Variants in CLN3 observed in about 807,000 individuals in gnomAD.
The protein encoded by CLN3 is battenin.
CLN3 carries 49 observed loss-of-function variants against 60.7 expected under a neutral mutation model. That is an observed-to-expected ratio of 0.81 (90% CI 0.64 to 1.02). The LOEUF is 1.02. Among genes scored for constraint, CLN3 ranks in the 50% least tolerant of loss-of-function variants. The probability of loss-of-function intolerance (pLI) is 0.00; values close to 1 mark genes in which losing one functional copy is unlikely to be tolerated. For missense variants in CLN3, 516 were observed against 557.4 expected (o/e 0.93, Z 0.75); for synonymous variants, 256 against 245.8 (o/e 1.04, Z -0.39).
chr16:28,488,403 A>G (rs1596563971), intron 5 of CLN3, 188 bp downstream of exon 5: 3 of 552,020 alleles, frequency 5.4e-6, no homozygotes, highest in Non-Finnish European at 9.7e-6. Context: ...TCAAACTCCT[A>G]GGCTCAAGTG....
rs150094443 is a variant in CLN3 at position 28,478,802 on chromosome 16, T to C, written c.1057-925A>G. Among the ~76,000 whole-genome samples the C allele has an allele frequency of 1.7e-4, 26 of 152,222 alleles. No homozygotes were observed. The East Asian group carries it at 4.8e-3, about 28-fold the overall frequency. On this transcript the variant is annotated intron_variant, in intron 14 of 15. Transcript: ENST00000636147. ...CTGGCCTCTGCCCGCTAGATGCCCA[T>C]AGCATCCCTCAGTTGTGACAACCAA...
chr16:28,489,496 T>A, intron 3 of CLN3, 110 bp from the exon 4 acceptor site: 1 of 777,046 alleles, frequency 1.3e-6, no homozygotes, highest in Non-Finnish European at 2.3e-6. Flanking sequence ...CTCTTTTTTT[T>A]CCCTCTATCA....
At chr16:28,471,767 G>A (rs1417660848), downstream of CLN3, among the ~76,000 whole-genome samples, 1 of 145,532 alleles carries the variant, frequency 6.9e-6, no homozygotes, top group Non-Finnish European at 1.5e-5. Flanking sequence ...GAGTGATGAT[G>A]TCCTTATCTA....
At chr16:28,488,478 G>T (rs1167440063) in intron 5 of CLN3, 113 bp downstream of exon 5, 1 of 940,794 alleles carries the variant, frequency 1.1e-6, no homozygotes, top group Non-Finnish European at 1.7e-6. Flanking sequence ...CCCAGCCCAG[G>T]TCTCAACTGT....
Position 28,486,366 on chromosome 16 carries a change from G to A in CLN3, c.658C>T (p.Pro220Ser), listed in dbSNP as rs1421772569. ...QQTLLSMLGI[P>S]ALLLASYFLL... The stretch of plus-strand genomic sequence containing the variant: ...GCTCACCTGGCCAGCAGCAGGGCAG[G>A]GATACCCAGCATGGACAGCAGGGTC... Residue 220 changes from proline to serine, a missense_variant, in exon 9 of 16, where the codon CCT (proline) becomes TCT (serine). By Grantham distance (74) the Pro-to-Ser change is moderately conservative. Coordinates refer to ENST00000636147, the MANE Select transcript of CLN3 (RefSeq NM_001042432.2). 3 of 1,612,476 alleles carry A rather than the reference G, an allele frequency of 1.9e-6. No individual in the cohort carries two copies. In the South Asian group the frequency reaches 3.3e-5, roughly 18 times the overall value.
downstream of CLN3, chr16:28,473,976 A>G (rs2045971743): frequency 6.6e-6 from 1 of 152,114 alleles, no homozygotes; most frequent in African/African-American, 2.4e-5. Context: ...AAAAACAAAA[A>G]CGGAAAAGAG....
chr16:28,472,706 G>A (rs188181088), downstream of CLN3, among the ~76,000 whole-genome samples: 56 of 151,342 alleles, frequency 3.7e-4, 2 homozygotes, highest in East Asian at 5.5e-3. Context: ...GCTGGGTGTG[G>A]TGGCACACCC....
At chr16:28,470,586 A>AGGAGAG (rs1567250614), downstream of CLN3, 129 of 42,328 alleles carry the variant, frequency 3.0e-3, no homozygotes, top group Admixed American at 3.4e-3. Flanking sequence ...GGGGAGGGGA[A>AGGAGAG]GGGGAGGGGG....
chr16:28,469,321 G>GGGCACGGT (rs2045925267), downstream of CLN3, among the ~76,000 whole-genome samples: 1 of 91,076 alleles, frequency 1.1e-5, no homozygotes, highest in Non-Finnish European at 2.7e-5. Flanking sequence ...GATCTTGGCT[G>GGGCACGGT]GGCACGGTGG....
chr16:28,470,609 A>G (rs1354867368), downstream of CLN3: 513 of 8,380 alleles, frequency 0.061, no homozygotes, highest in Non-Finnish European at 0.085. Flanking sequence ...GGGAAGGGGA[A>G]GGGGAGGGGA....
rs1331033517 is a variant in CLN3, at chr16:28,487,705, T to C, written c.331A>G (p.Ile111Val). The C allele has an allele frequency of 1.2e-6, 2 of 1,613,810 alleles. No individual in the cohort carries two copies. The highest frequency in any genetic ancestry group is 2.7e-5 in the African/African-American group (2 of 74,892). The change falls in exon 6 of 16, where the codon ATC (isoleucine) becomes GTC (valine). Residue 111 changes from isoleucine (I) to valine (V), a missense_variant. Coordinates refer to ENST00000636147, the MANE Select transcript of CLN3 (RefSeq NM_001042432.2). ...LLADILPTLV[I>V]KLLAPLGLHL... ...AGGCCAAGAGGAGCCAACAATTTGA[T>C]GACGAGTGTGGGGAGGATGTCCGCC...
intron 14 of CLN3, among the ~76,000 whole-genome samples, chr16:28,480,143 T>A (rs1469087172): frequency 6.6e-6 from 1 of 151,764 alleles, no homozygotes; most frequent in Non-Finnish European, 1.5e-5. Context: ...TTTGTAGAGA[T>A]GAGGTCTCGT....
intron 14 of CLN3, among the ~76,000 whole-genome samples, chr16:28,478,566 T>G (rs895269238): frequency 7.3e-6 from 1 of 136,388 alleles, no homozygotes. Context: ...CAGTAAGCTA[T>G]GATTGTGCCA....
downstream of CLN3, among the ~76,000 whole-genome samples, chr16:28,472,016 C>G (rs1250363705): frequency 6.6e-6 from 1 of 151,888 alleles, no homozygotes; most frequent in Non-Finnish European, 1.5e-5. Flanking sequence ...AGCAACAGAG[C>G]GAGACTCCGT....
intron 1 of CLN3, 73 bp downstream of exon 1, chr16:28,491,947 C>A: frequency 1.3e-6 from 1 of 741,808 alleles, no homozygotes; most frequent in Non-Finnish European, 2.3e-6. Context: ...TCTCGAGCGC[C>A]CTACGACCCA....
At chr16:28,488,047 T>C in intron 5 of CLN3, 1 of 315,326 alleles carries the variant, frequency 3.2e-6, no homozygotes, top group Non-Finnish European at 6.1e-6. Flanking sequence ...AAACTATATA[T>C]ATATATATTT....
At chr16:28,478,926 C>T (rs1182772646) in intron 14 of CLN3, among the ~76,000 whole-genome samples, 2 of 152,102 alleles carry the variant, frequency 1.3e-5, no homozygotes, top group Admixed American at 6.6e-5. Flanking sequence ...TGGGAGTAGC[C>T]GGGCATCCTA....
downstream of CLN3, among the ~76,000 whole-genome samples, chr16:28,472,501 A>T (rs928164528): frequency 1.3e-5 from 2 of 152,126 alleles, no homozygotes; most frequent in African/African-American, 4.8e-5. Flanking sequence ...ATTCAAAATG[A>T]AAACAAGATC....
At chr16:28,473,145 C>G (rs940778684), downstream of CLN3, among the ~76,000 whole-genome samples, 2 of 151,872 alleles carry the variant, frequency 1.3e-5, no homozygotes, top group Admixed American at 1.3e-4. Context: ...ATTCCTGTCA[C>G]CCAGGCTGGA....
Sources: allele counts gnomAD v4.1 joint callset (sites outside exome capture counted in the v4.1 genomes callset), GRCh38; gene constraint gnomAD v4.1.1; transcripts MANE v1.5; gene names NCBI Gene and HGNC (gene_info 2026-07-23, HGNC 2026-07-21).